ZNF544: variants seen among roughly 807,000 people sequenced by gnomAD.
The protein encoded by ZNF544 is zinc finger protein 544.
Under a neutral mutation model 13.5 loss-of-function variants are expected in ZNF544, and 10 were observed. That is an observed-to-expected ratio of 0.74 (90% CI 0.46 to 1.25). The LOEUF is 1.25. Among genes scored for constraint, ZNF544 ranks in the 50% most tolerant of loss-of-function variants. The pLI, the probability that ZNF544 is intolerant of heterozygous loss-of-function variation, is 0.00. For synonymous variants in ZNF544, 323 were observed against 300.5 expected (o/e 1.07, Z -0.77); for missense variants, 896 against 845.6 (o/e 1.06, Z -0.74).
intron 3 of ZNF544, among the ~76,000 whole-genome samples, chr19:58,239,338 T>TC (rs984752673): frequency 1.3e-4 from 19 of 151,804 alleles, no homozygotes; most frequent in Admixed American, 6.6e-5. Context: ...CTACACCTCT[T>TC]CCCCCCTCCA....
rs1214806804 is a variant in ZNF544, at chr19:58,262,665, C to T, written c.2059C>T (p.Pro687Ser). The T allele has an allele frequency of 1.2e-6, 2 of 1,613,956 alleles. No homozygotes were observed. Among genetic ancestry groups the T allele is most frequent in the Admixed American group, 1.7e-5 (1 of 59,980 alleles). ...SHHRIHSGEKPYECSDCGKSF... is the reference protein window; with the variant it reads ...SHHRIHSGEKSYECSDCGKSF... ...TCACAGAATTCATTCTGGAGAGAAA[C>T]CCTATGAATGTAGTGACTGTGGGAA... The change falls in exon 7 of 7, where the codon CCC (proline) becomes TCC (serine). Residue 687 changes from proline to serine, a missense_variant. By Grantham distance (74) the Pro-to-Ser change is moderately conservative. Transcript: ENST00000687789.
rs1231304906 is a variant in ZNF544 at position 58,262,413 on chromosome 19, C to T, written c.1807C>T (p.Pro603Ser). ...TAAAAGAACTCACACTGGAGAAAAG[C>T]CCTATGAATGTAACGAGTGTGGAAA... Reference protein sequence around the residue: ...AHKRTHTGEKPYECNECGKAF... With the variant: ...AHKRTHTGEKSYECNECGKAF... The change falls in exon 7 of 7, where the codon CCC becomes TCC. Residue 603 changes from proline (P) to serine (S), a missense_variant. Pro to Ser is a moderately conservative substitution (Grantham distance 74). Transcript: ENST00000687789. The T allele has an allele frequency of 6.2e-7, 1 of 1,614,086 alleles. No individual in the cohort carries two copies. Among genetic ancestry groups the T allele is most frequent in the East Asian group, 2.2e-5 (1 of 44,908 alleles).
intron 6 of ZNF544, among the ~76,000 whole-genome samples, chr19:58,277,027 T>C (rs2168644): frequency 0.3 from 45,929 of 152,160 alleles, 8,206 homozygotes; most frequent in Middle Eastern, 0.45. Flanking sequence ...TTTAGGGATC[T>C]ACCTGCTTAA....
intron 4 of ZNF544, 144 bp from the exon 5 acceptor site, chr19:58,246,157 C>A: frequency 9.0e-7 from 1 of 1,116,918 alleles, no homozygotes; most frequent in Non-Finnish European, 1.3e-6. Flanking sequence ...TGTAAAGACC[C>A]CACCTCTTAA....
At chr19:58,276,445 T>A (rs565824647) in intron 6 of ZNF544, 1 of 1,203,278 alleles carries the variant, frequency 8.3e-7, no homozygotes, top group Admixed American at 4.5e-5. Flanking sequence ...TGAAGACATC[T>A]GTCAAAAGTC....
chr19:58,241,258 C>T (rs557909653), intron 3 of ZNF544, among the ~76,000 whole-genome samples: 119 of 125,752 alleles, frequency 9.5e-4, no homozygotes, highest in African/African-American at 3.0e-3. Flanking sequence ...ACGATGCTTC[C>T]GCCTTGGCCT....
At chr19:58,247,999 C>T (rs1474234598) in intron 6 of ZNF544, among the ~76,000 whole-genome samples, 2 of 151,916 alleles carry the variant, frequency 1.3e-5, no homozygotes, top group East Asian at 1.9e-4. Context: ...CTGCAACCTC[C>T]GCCCCCCAGG....
chr19:58,249,394 T>C (rs1006714993), intron 6 of ZNF544, among the ~76,000 whole-genome samples: 1 of 152,166 alleles, frequency 6.6e-6, no homozygotes, highest in Non-Finnish European at 1.5e-5. Flanking sequence ...CCAGGGGTGG[T>C]GTCTCCACCT....
intron 4 of ZNF544, 152 bp from the exon 5 acceptor site, chr19:58,246,149 T>A: frequency 9.6e-7 from 1 of 1,040,016 alleles, no homozygotes; most frequent in Non-Finnish European, 1.5e-6. Context: ...AATTGCCTTG[T>A]AAAGACCCCA....
chr19:58,261,852 TC>T lies in ZNF544; in HGVS notation c.1248del (p.Phe417SerfsTer63). On this transcript the variant is annotated frameshift_variant, in exon 7 of 7. Transcript: ENST00000687789. LOFTEE classifies it low-confidence loss of function (END_TRUNC). ...CTATGAGTGTGACCTGTGTGGGAAA[TC>T]CTTCACCCAGAGATCCAAACTTATT... ...KPYECDLCGKSFTQRSKLITH... is the reference protein window; with the variant it reads ...KPYECDLCGKXFTQRSKLITH... 1.2e-6 allele frequency: 2 copies of T among 1,612,366 alleles called. No homozygotes were observed. Among genetic ancestry groups the T allele is most frequent in the East Asian group, 2.2e-5 (1 of 44,804 alleles).
intron 3 of ZNF544, among the ~76,000 whole-genome samples, chr19:58,239,291 C>T (rs966125244): frequency 1.3e-5 from 2 of 152,182 alleles, no homozygotes; most frequent in African/African-American, 4.8e-5. Context: ...CCTTCCTGGC[C>T]TCTGCCCACC....
chr19:58,235,581 T>G (rs1314479433), intron 3 of ZNF544, among the ~76,000 whole-genome samples: 1 of 152,198 alleles, frequency 6.6e-6, no homozygotes, highest in African/African-American at 2.4e-5. Context: ...TCTTATATGC[T>G]TGAAAATTGC....
chr19:58,246,306 T>G lies in ZNF544; in HGVS notation c.39T>G (p.Ser13=). The G allele has an allele frequency of 6.2e-7, 1 of 1,614,082 alleles. No homozygotes were observed. Among genetic ancestry groups the G allele is most frequent in the Non-Finnish European group, 8.5e-7 (1 of 1,179,968 alleles). ...TAACAAGTGCCCTGTTTCAGGCATC[T>G]GTGTGCTTCGAGGATGTGGCTATGG... The part of the protein sequence containing the change: ...ARSMLVPPQA[S]VCFEDVAMAF... Residue 13 remains serine (S), a synonymous_variant, in exon 5 of 7, where the codon TCT becomes TCG. Transcript: ENST00000687789.
At chr19:58,242,152 CGCTGGGGTG>C in intron 3 of ZNF544, 1 of 793,384 alleles carries the variant, frequency 1.3e-6, no homozygotes, top group East Asian at 1.3e-4. Context: ...ATGAGAGCAT[CGCTGGGGTG>C]AAGTCCCAGC....
chr19:58,245,883 A>G (rs1003356889), intron 4 of ZNF544: 5 of 195,570 alleles, frequency 2.6e-5, no homozygotes, highest in African/African-American at 1.2e-4. Context: ...AGATGCCCAG[A>G]AAAGGAATGG....
At chr19:58,269,328 A>G (rs957844171) in intron 5 of ZNF544, among the ~76,000 whole-genome samples, 5 of 152,016 alleles carry the variant, frequency 3.3e-5, no homozygotes, top group African/African-American at 1.2e-4. Context: ...CCAGCTATTC[A>G]GGAGGCTGAG....
At chr19:58,268,734 T>C (rs887660300), downstream of ZNF544, among the ~76,000 whole-genome samples, 6 of 152,236 alleles carry the variant, frequency 3.9e-5, no homozygotes, top group Non-Finnish European at 7.3e-5. Context: ...AGGAAGTTGC[T>C]TATGCCAGAT....
In ZNF544 at chr19:58,262,776, G is replaced by A. The variant is rs368354212; in HGVS notation, c.*22G>A. 62 of 1,569,280 alleles carry A rather than the reference G, an allele frequency of 4.0e-5. No homozygotes were observed. The highest frequency in any genetic ancestry group is 4.8e-5 in the Non-Finnish European group (55 of 1,156,422). The stretch of plus-strand genomic sequence containing the variant: ...TTAGGAGTGCAGTCATTGTGGGAAA[G>A]CTTTCATCCAGAGGTCTCCCCTCAT... On this transcript the variant is annotated 3_prime_UTR_variant, in exon 7 of 7. Transcript: ENST00000687789.
chr19:58,241,182 T>TAAATACATATATATATATATA (rs1490534373), intron 3 of ZNF544, among the ~76,000 whole-genome samples: 1 of 66,332 alleles, frequency 1.5e-5, no homozygotes, highest in African/African-American at 5.1e-5. Flanking sequence ...TATATATATT[T>TAAATACATATATATATATATA]TTTTTTTTTT....
Sources: allele counts gnomAD v4.1 joint callset (sites outside exome capture counted in the v4.1 genomes callset), GRCh38; gene constraint gnomAD v4.1.1; transcripts MANE v1.5; gene names NCBI Gene and HGNC (gene_info 2026-07-23, HGNC 2026-07-21).